Variants in ARSL observed in about 807,000 individuals in gnomAD.
ARSL encodes the protein arylsulfatase E (chondrodysplasia punctata 1).
In ARSL, 4 loss-of-function variants were observed where a neutral mutation model predicts 31.1. The observed-to-expected ratio is 0.13, with a 90% confidence interval of 0.06 to 0.29. The LOEUF (loss-of-function observed/expected upper bound fraction) is 0.29. ARSL is among the 10% of genes least tolerant of loss of function. The pLI is 1.00. For missense variants in ARSL, 312 were observed against 497.8 expected (o/e 0.63, Z 3.55); for synonymous variants, 198 against 209.9 (o/e 0.94, Z 0.49).
intron 9 of ARSL, 104 bp downstream of exon 9, chrX:2,937,991 A>G (rs1260045290): frequency 1.8e-6 from 2 of 1,122,188 alleles, no homozygotes; most frequent in Non-Finnish European, 2.4e-6. Context: ...GTCGGGGAAC[A>G]ATTTCAGGGA....
intron 8 of ARSL, among the ~76,000 whole-genome samples, chrX:2,941,091 G>A (rs1279540270): frequency 1.4e-4 from 16 of 110,744 alleles, no homozygotes; most frequent in Non-Finnish European, 3.8e-5. Flanking sequence ...TTCAGGCCGT[G>A]ACAGGAAGCG....
At chrX:2,949,782 T>C in intron 5 of ARSL, 55 bp from the exon 6 acceptor site, 2 of 1,141,316 alleles carry the variant, frequency 1.8e-6, no homozygotes, top group Admixed American at 2.3e-5. Context: ...ACTGGACATG[T>C]CGATATTGAC....
In ARSL at chrX:2,953,433, G is replaced by A. The variant is rs211639; in HGVS notation, c.308-168C>T. 0.34 allele frequency among the ~76,000 whole-genome samples: 37,739 copies of A among 111,480 alleles called. 5,534 individuals carry two copies. The highest frequency in any genetic ancestry group is 0.47 in the Non-Finnish European group (24,728 of 52,992). ...TGCCTAGTGGATTGCATTTTTGGCA[G>A]CAAAGTAAATGATTAATTTATTGAA... On this transcript the variant is annotated intron_variant, in intron 4 of 10. Transcript: ENST00000381134.
chrX:2,944,256 C>G (rs191608485), intron 7 of ARSL, among the ~76,000 whole-genome samples: 2 of 109,074 alleles, frequency 1.8e-5, no homozygotes, highest in Non-Finnish European at 3.8e-5. Context: ...CAGTTCGAGA[C>G]CAGCCTGGCC....
chrX:2,938,125 C>T lies in ARSL; in HGVS notation c.1259G>A (p.Arg420Gln), dbSNP rs137882432. ...SLMDVFPTVV[R>Q]LAGGEVPQDR... ...CTGGGGCACCTCGCCGCCCGCCAGCCGGACCACGGTGGGGAACACGTCCAT... is the reference window on the plus strand; with the variant it reads ...CTGGGGCACCTCGCCGCCCGCCAGCTGGACCACGGTGGGGAACACGTCCAT... Residue 420 changes from arginine to glutamine, a missense_variant, in exon 9 of 11, where the codon CGG (arginine) becomes CAG (glutamine). Coordinates refer to ENST00000381134, the MANE Select transcript of ARSL (RefSeq NM_000047.3). 4.4e-4 allele frequency: 538 copies of T among 1,210,293 alleles called. 1 individual carries two copies. Among genetic ancestry groups the T allele is most frequent in the Middle Eastern group, 1.9e-3 (8 of 4,263 alleles).
rs1439910055 is a variant in ARSL, at chrX:2,960,197, A to C, written c.23+181T>G. Among the ~76,000 whole-genome samples the C allele has an allele frequency of 8.7e-5, 6 of 69,167 alleles. No homozygotes were observed. The Admixed American group carries it at 1.1e-3, about 12-fold the overall frequency. 60.1% of individuals were successfully genotyped at this position (69,167 alleles called of 115,157 possible). A position where few individuals can be genotyped will look rare whatever the true frequency, so the allele number is the denominator to read the frequency against. On this transcript the variant is annotated intron_variant, in intron 2 of 10. Coordinates refer to ENST00000381134, the MANE Select transcript of ARSL (RefSeq NM_000047.3). The stretch of plus-strand genomic sequence containing the variant: ...GGCAGGAGAATGGTGTGAACCCGGG[A>C]GGCGGAGCTTGCAGTGAGCCGAGAT...
chrX:2,946,266 G>A, intron 6 of ARSL, 132 bp from the exon 7 acceptor site: 147 of 457,849 alleles, frequency 3.2e-4, no homozygotes, highest in East Asian at 8.5e-4. Context: ...TCACCAAAAA[G>A]AAACACTCAA....
intron 3 of ARSL, among the ~76,000 whole-genome samples, chrX:2,956,119 A>C (rs2089520765): frequency 8.9e-6 from 1 of 112,103 alleles, no homozygotes; most frequent in African/African-American, 3.2e-5. Context: ...CTCAGAGGGA[A>C]TGCAGAACTG....
At chrX:2,953,326 TATTA>T (rs762020656) in intron 4 of ARSL, 61 bp from the exon 5 acceptor site, 36 of 1,123,642 alleles carry the variant, frequency 3.2e-5, no homozygotes, top group Non-Finnish European at 4.1e-5. Flanking sequence ...GTTTGTTATT[TATTA>T]TTTATTCAAA....
Position 2,958,282 on chromosome X carries a change from G to T in ARSL, c.177C>A (p.Asn59Lys). The T allele has an allele frequency of 2.5e-6, 3 of 1,211,832 alleles. No individual in the cohort carries two copies. The highest frequency in any genetic ancestry group is 3.4e-6 in the Non-Finnish European group (3 of 895,467). ...GIGDIGCYGN[N>K]TMRTPNIDRL... Reference sequence around the variant, plus strand: ...AATTCTCTGTCCCTTGCCTCATGGTGTTGTTGCCATAGCAGCCAATGTCCC... The same window carrying T: ...AATTCTCTGTCCCTTGCCTCATGGTTTTGTTGCCATAGCAGCCAATGTCCC... Residue 59 changes from asparagine (N) to lysine (K), a missense_variant, in exon 3 of 11, where the codon AAC becomes AAA. Asn to Lys is a moderately conservative substitution (Grantham distance 94). Coordinates refer to ENST00000381134, the MANE Select transcript of ARSL (RefSeq NM_000047.3).
intron 1 of ARSL, 127 bp from the exon 2 acceptor site, chrX:2,960,547 TAAAAC>T: frequency 4.8e-6 from 3 of 620,087 alleles, no homozygotes; most frequent in Admixed American, 5.5e-5. Flanking sequence ...AAAAATATCT[TAAAAC>T]AATGATCAAA....
chrX:2,944,269 C>T (rs369440422), intron 7 of ARSL, among the ~76,000 whole-genome samples: 1 of 109,218 alleles, frequency 9.2e-6, no homozygotes, highest in East Asian at 2.9e-4. Flanking sequence ...GCCTGGCCAA[C>T]ATGGTGAAAC....
At chrX:2,945,005 T>TAAG (rs368635699) in intron 7 of ARSL, among the ~76,000 whole-genome samples, 18 of 95,280 alleles carry the variant, frequency 1.9e-4, no homozygotes, top group East Asian at 3.2e-4. Context: ...AGAAGAAGAA[T>TAAG]AAGAAGAAGA....
intron 7 of ARSL, among the ~76,000 whole-genome samples, chrX:2,944,348 G>A (rs909295702): frequency 3.0e-4 from 32 of 108,387 alleles, no homozygotes; most frequent in African/African-American, 1.0e-3. Context: ...CAGCTACTCC[G>A]GAGGCTGAGG....
intron 7 of ARSL, among the ~76,000 whole-genome samples, chrX:2,944,309 C>T (rs1388835722): frequency 6.4e-5 from 7 of 109,071 alleles, no homozygotes; most frequent in African/African-American, 1.0e-4. Flanking sequence ...CAAAAATTAG[C>T]CAGGCATGGT....
In ARSL at chrX:2,935,071, G is replaced by A. The variant is rs2089177826; in HGVS notation, c.1531C>T (p.Pro511Ser). The change falls in exon 11 of 11, where the codon CCT becomes TCT. Residue 511 changes from proline to serine, a missense_variant. Physicochemically the swap from Pro to Ser is moderately conservative, Grantham distance 74 (BLOSUM62 -1). Coordinates refer to ENST00000381134, the MANE Select transcript of ARSL (RefSeq NM_000047.3). ...FGEKVVHHDP[P>S]LLFDLSRDPS... ...TCTCTTGAGAGGTCAAAGAGCAAAGGTGGATCGTGGTGGACTACTTTTTCC... is the reference window on the plus strand; with the variant it reads ...TCTCTTGAGAGGTCAAAGAGCAAAGATGGATCGTGGTGGACTACTTTTTCC... 8 of 1,211,286 alleles carry A rather than the reference G, an allele frequency of 6.6e-6. No individual in the cohort carries two copies. Among genetic ancestry groups the A allele is most frequent in the African/African-American group, 1.7e-5 (1 of 57,701 alleles).
At chrX:2,956,236 G>A (rs1402101353) in intron 3 of ARSL, among the ~76,000 whole-genome samples, 2 of 111,564 alleles carry the variant, frequency 1.8e-5, no homozygotes, top group South Asian at 3.8e-4. Context: ...GCTGGAATTC[G>A]GACAGGAGGA....
At chrX:2,940,159 C>T (rs144575367) in intron 8 of ARSL, among the ~76,000 whole-genome samples, 1,374 of 110,040 alleles carry the variant, frequency 0.012, 29 homozygotes, top group African/African-American at 0.041. Context: ...AGAGCCACTG[C>T]GCCTGGCCTT....
intron 6 of ARSL, among the ~76,000 whole-genome samples, chrX:2,948,725 A>G (rs2089418613): frequency 9.0e-6 from 1 of 110,982 alleles, no homozygotes; most frequent in Non-Finnish European, 1.9e-5. Context: ...TCCTGGCCTC[A>G]AATTATCCTC....
Sources: allele counts gnomAD v4.1 joint callset (sites outside exome capture counted in the v4.1 genomes callset), GRCh38; gene constraint gnomAD v4.1.1; transcripts MANE v1.5; gene names NCBI Gene and HGNC (gene_info 2026-07-23, HGNC 2026-07-21).